The following DOK6 variants were observed in gnomAD, a reference collection of about 807,000 sequenced individuals.
DOK6 encodes the protein docking protein 6, also known as downstream of tyrosine kinase 6.
In DOK6, 22 loss-of-function variants were observed where a neutral mutation model predicts 44.0. The observed-to-expected ratio is 0.50, with a 90% confidence interval of 0.36 to 0.71. The LOEUF is 0.71. Ranked by LOEUF, DOK6 falls within the 30% of genes least tolerant of loss-of-function variation. The pLI is 0.00. For missense variants in DOK6, 340 were observed against 416.4 expected, an observed-to-expected ratio of 0.82 and a Z score of 1.60; for synonymous variants, 166 against 145.5, an observed-to-expected ratio of 1.14 and a Z score of -1.01.
intron 7 of DOK6, among the ~76,000 whole-genome samples, chr18:69,789,469 TTGTG>T (rs928883095): frequency 6.6e-6 from 1 of 151,536 alleles, no homozygotes; most frequent in Non-Finnish European, 1.5e-5. Flanking sequence ...GCGTGTGTGT[TTGTG>T]TGTGTGTGTA....
intron 7 of DOK6, among the ~76,000 whole-genome samples, chr18:69,768,065 A>G (rs919603839): frequency 1.3e-5 from 2 of 152,100 alleles, no homozygotes; most frequent in African/African-American, 4.8e-5. Flanking sequence ...AGCTTCCCCT[A>G]CTGAATTTTT....
At chr18:69,679,898 G>C (rs1986006922) in intron 4 of DOK6, among the ~76,000 whole-genome samples, 1 of 151,726 alleles carries the variant, frequency 6.6e-6, no homozygotes, top group Non-Finnish European at 1.5e-5. Flanking sequence ...ACAGAATAAA[G>C]TGCCAAAGCT....
intron 1 of DOK6, among the ~76,000 whole-genome samples, chr18:69,556,290 G>T (rs926718184): frequency 6.6e-6 from 1 of 151,902 alleles, no homozygotes; most frequent in Non-Finnish European, 1.5e-5. Context: ...CCCACATCAG[G>T]GTATTTACCT....
chr18:69,531,136 G>A (rs1303293663), intron 1 of DOK6, among the ~76,000 whole-genome samples: 2 of 150,200 alleles, frequency 1.3e-5, no homozygotes, highest in African/African-American at 4.9e-5. Flanking sequence ...CCTTTATTTT[G>A]AGCCTTTGTG....
intron 3 of DOK6, among the ~76,000 whole-genome samples, chr18:69,639,329 A>C (rs192727481): frequency 3.2e-4 from 49 of 152,334 alleles, no homozygotes; most frequent in Admixed American, 7.2e-4. Flanking sequence ...ACAGCACTGA[A>C]GGACCTTCTG....
At chr18:69,464,214 A>C (rs1163534922) in intron 1 of DOK6, among the ~76,000 whole-genome samples, 1 of 152,232 alleles carries the variant, frequency 6.6e-6, no homozygotes, top group Non-Finnish European at 1.5e-5. Flanking sequence ...GAAATCATCT[A>C]ATCAATGTGA....
chr18:69,586,172 A>G (rs1983495272), intron 2 of DOK6, among the ~76,000 whole-genome samples: 1 of 152,228 alleles, frequency 6.6e-6, no homozygotes, highest in Non-Finnish European at 1.5e-5. Flanking sequence ...GCAGTTACCG[A>G]AACCACAACT....
At chr18:69,605,076 T>TGTGTGTGTG (rs1983963599) in intron 3 of DOK6, among the ~76,000 whole-genome samples, 1 of 125,778 alleles carries the variant, frequency 8.0e-6, no homozygotes, top group African/African-American at 3.0e-5. Context: ...AGAGATCCCT[T>TGTGTGTGTG]TGTGTGTGTG....
intron 1 of DOK6, among the ~76,000 whole-genome samples, chr18:69,560,786 C>T (rs146074840): frequency 6.6e-6 from 1 of 152,186 alleles, no homozygotes; most frequent in East Asian, 1.9e-4. Flanking sequence ...ACTTAATTGT[C>T]CGTAGCTAAT....
intron 3 of DOK6, among the ~76,000 whole-genome samples, chr18:69,600,112 C>T (rs948490881): frequency 5.3e-5 from 8 of 152,094 alleles, no homozygotes; most frequent in African/African-American, 9.7e-5. Flanking sequence ...AGATTTTGCT[C>T]AATGCAATGG....
intron 1 of DOK6, among the ~76,000 whole-genome samples, chr18:69,411,599 C>T (rs988217434): frequency 1.3e-5 from 2 of 152,098 alleles, no homozygotes; most frequent in East Asian, 3.8e-4. Flanking sequence ...AGTCTCTTTT[C>T]TTCTGTCTGC....
intron 1 of DOK6, among the ~76,000 whole-genome samples, chr18:69,460,556 C>T (rs1210994478): frequency 1.3e-5 from 2 of 152,094 alleles, no homozygotes; most frequent in Non-Finnish European, 2.9e-5. Context: ...GTTTCCGTAT[C>T]TATATAACAT....
At chr18:69,836,050 A>C (rs1982045347) in intron 7 of DOK6, among the ~76,000 whole-genome samples, 1 of 152,184 alleles carries the variant, frequency 6.6e-6, no homozygotes, top group South Asian at 2.1e-4. Context: ...TGTCAGCAAC[A>C]ATGCATTTCT....
At chr18:69,783,027 A>G (rs930376262) in intron 7 of DOK6, among the ~76,000 whole-genome samples, 3 of 152,188 alleles carry the variant, frequency 2.0e-5, no homozygotes, top group Non-Finnish European at 4.4e-5. Flanking sequence ...TAGTTGGTAT[A>G]TTTCGTTTGC....
chr18:69,787,530 A>G (rs900745535), intron 7 of DOK6, among the ~76,000 whole-genome samples: 53 of 152,324 alleles, frequency 3.5e-4, no homozygotes, highest in African/African-American at 1.2e-3. Context: ...CAAGGGTCAC[A>G]GTCTTGTGCT....
At chr18:69,678,479 A>G (rs1985974684) in intron 4 of DOK6, among the ~76,000 whole-genome samples, 1 of 152,222 alleles carries the variant, frequency 6.6e-6, no homozygotes, top group Non-Finnish European at 1.5e-5. Context: ...TTTAGAGTCT[A>G]TATTAACAGA....
At chr18:69,546,481 T>C (rs1325381349) in intron 1 of DOK6, among the ~76,000 whole-genome samples, 1 of 151,540 alleles carries the variant, frequency 6.6e-6, no homozygotes, top group Non-Finnish European at 1.5e-5. Flanking sequence ...TTTAAAACAC[T>C]TAAATAAAAC....
At chr18:69,792,434 G>A (rs908787744) in intron 7 of DOK6, among the ~76,000 whole-genome samples, 1 of 151,522 alleles carries the variant, frequency 6.6e-6, no homozygotes, top group South Asian at 2.1e-4. Context: ...GGTGTTTTAC[G>A]GTTTTTTTTG....
intron 6 of DOK6, among the ~76,000 whole-genome samples, chr18:69,756,929 G>T (rs1327260702): frequency 6.6e-6 from 1 of 152,144 alleles, no homozygotes; most frequent in Non-Finnish European, 1.5e-5. Context: ...CCTCAGGTTG[G>T]GTCAGAGACA....
Sources: allele counts gnomAD v4.1 joint callset (sites outside exome capture counted in the v4.1 genomes callset), GRCh38; gene constraint gnomAD v4.1.1; transcripts MANE v1.5; gene names NCBI Gene and HGNC (gene_info 2026-07-23, HGNC 2026-07-21).